The following GAB1 variants were observed in gnomAD, a reference collection of about 807,000 sequenced individuals.
GAB1 encodes the protein GRB2-associated-binding protein 1.
A neutral mutation model predicts 66.5 loss-of-function variants in GAB1; 19 were observed. The observed-to-expected ratio is 0.29, with a 90% CI of 0.20 to 0.42. The LOEUF is 0.42. GAB1 is among the 10% of genes least tolerant of loss of function. The pLI, the probability that GAB1 is intolerant of heterozygous loss-of-function variation, is 1.00. For synonymous variants in GAB1, 294 were observed against 301.4 expected (o/e 0.98, Z 0.25); for missense variants, 732 against 858.5 (o/e 0.85, Z 1.84).
intron 8 of GAB1, among the ~76,000 whole-genome samples, chr4:143,462,942 G>A (rs573181384): frequency 9.2e-5 from 14 of 152,094 alleles, no homozygotes; most frequent in Non-Finnish European, 1.6e-4. Flanking sequence ...GATTACAGGC[G>A]TGAGCCACTG....
At chr4:143,448,530 G>A (rs1269544344) in intron 6 of GAB1, among the ~76,000 whole-genome samples, 2 of 151,654 alleles carry the variant, frequency 1.3e-5, no homozygotes, top group Non-Finnish European at 1.5e-5. Flanking sequence ...GAGAGTGTAT[G>A]TGTCGAGGAA....
chr4:143,428,061 C>A (rs1733457971), intron 2 of GAB1, among the ~76,000 whole-genome samples: 1 of 152,176 alleles, frequency 6.6e-6, no homozygotes, highest in African/African-American at 2.4e-5. Flanking sequence ...GCCCTATCTC[C>A]CCTGCTGTCA....
intron 1 of GAB1, among the ~76,000 whole-genome samples, chr4:143,338,064 G>T (rs1728718711): frequency 6.6e-6 from 1 of 152,112 alleles, no homozygotes; most frequent in Non-Finnish European, 1.5e-5. Flanking sequence ...TGGCTTTAAT[G>T]GTGTTTGTGT....
At chr4:143,393,215 A>G (rs1578645971) in intron 1 of GAB1, among the ~76,000 whole-genome samples, 1 of 151,092 alleles carries the variant, frequency 6.6e-6, no homozygotes, top group Non-Finnish European at 1.5e-5. Flanking sequence ...TCACATTTAC[A>G]AAGGTTTTTT....
chr4:143,414,468 C>T (rs1046371765), intron 1 of GAB1, among the ~76,000 whole-genome samples: 3 of 152,102 alleles, frequency 2.0e-5, no homozygotes, highest in African/African-American at 4.8e-5. Flanking sequence ...GAGTGTATTA[C>T]AGATTGCCCA....
intron 1 of GAB1, among the ~76,000 whole-genome samples, chr4:143,346,462 T>C (rs1392178272): frequency 1.3e-5 from 2 of 152,140 alleles, no homozygotes; most frequent in African/African-American, 4.8e-5. Flanking sequence ...GTGGCCAGAG[T>C]TGGAGTTGCC....
At chr4:143,456,329 C>A (rs1299280240) in intron 6 of GAB1, among the ~76,000 whole-genome samples, 1 of 151,972 alleles carries the variant, frequency 6.6e-6, no homozygotes, top group Non-Finnish European at 1.5e-5. Context: ...TGGTGGCGGG[C>A]ACCTGTAGTC....
At chr4:143,347,060 T>G (rs1346489432) in intron 1 of GAB1, among the ~76,000 whole-genome samples, 1 of 152,226 alleles carries the variant, frequency 6.6e-6, no homozygotes, top group Non-Finnish European at 1.5e-5. Context: ...ACCCACAGTA[T>G]ACAGAGAAAA....
At position 143,337,090 on chromosome 4, in the gene GAB1, C is replaced by A; in HGVS notation, c.-99C>A. On this transcript the variant is annotated 5_prime_UTR_variant, in exon 1 of 10. Coordinates refer to ENST00000262994, the MANE Select transcript of GAB1 (RefSeq NM_002039.4). ...CGTCCGGGGTGCGCGACCAGGAGAGCTAGGTTCTCGCCACTGCGCGCTCGG... is the reference window on the plus strand; with the variant it reads ...CGTCCGGGGTGCGCGACCAGGAGAGATAGGTTCTCGCCACTGCGCGCTCGG... 1.9e-6 allele frequency: 2 copies of A among 1,045,428 alleles called. No individual in the cohort carries two copies. Among genetic ancestry groups the A allele is most frequent in the Non-Finnish European group, 2.8e-6 (2 of 712,168 alleles). 64.8% of individuals were successfully genotyped at this position (1,045,428 alleles called of 1,614,324 possible).
At chr4:143,348,791 C>T (rs1729072828) in intron 1 of GAB1, among the ~76,000 whole-genome samples, 1 of 152,082 alleles carries the variant, frequency 6.6e-6, no homozygotes, top group South Asian at 2.1e-4. Flanking sequence ...GTGTTTGTTG[C>T]TTCCTTCTCC....
At position 143,401,265 on chromosome 4, in the gene GAB1, G is replaced by T. The variant is rs148379224; in HGVS notation, c.73-14212G>T. On this transcript the variant is annotated intron_variant, in intron 1 of 9. Transcript: ENST00000262994. ...CTTAACATAAATTGAAATATCAAGAGATCTTTTTTTGGAATAAATTATTCA... is the reference window on the plus strand; with the variant it reads ...CTTAACATAAATTGAAATATCAAGATATCTTTTTTTGGAATAAATTATTCA... Among the ~76,000 whole-genome samples, 49 of 152,222 alleles carry T rather than the reference G, an allele frequency of 3.2e-4. No individual in the cohort carries two copies. The East Asian group carries it at 8.1e-3, about 25-fold the overall frequency.
rs1241516195 is a variant in GAB1 at position 143,438,243 on chromosome 4, G to A, written c.838G>A (p.Ala280Thr). 3 of 1,613,944 alleles carry A rather than the reference G, an allele frequency of 1.9e-6. No homozygotes were observed. The African/African-American group carries it at 4.0e-5, about 22-fold the overall frequency. The change falls in exon 4 of 10, where the codon GCA becomes ACA. Residue 280 changes from alanine to threonine, a missense_variant. Coordinates refer to ENST00000262994, the MANE Select transcript of GAB1 (RefSeq NM_002039.4). ...LPKVSPSSTE[A>T]DGELYVFNTP... ...AAAGGTGTCTCCATCAAGTACTGAA[G>A]CAGATGGAGAACTCTATGTTTTTAA...
At chr4:143,366,986 T>G (rs1036391783) in intron 1 of GAB1, among the ~76,000 whole-genome samples, 2 of 152,050 alleles carry the variant, frequency 1.3e-5, no homozygotes, top group African/African-American at 4.8e-5. Context: ...TTTTTCCCCT[T>G]GATTGAATAA....
chr4:143,373,600 A>C (rs537996805), intron 1 of GAB1, among the ~76,000 whole-genome samples: 61 of 152,196 alleles, frequency 4.0e-4, no homozygotes, highest in African/African-American at 1.3e-3. Context: ...AGGCCAAGGT[A>C]GGCAGATCAC....
chr4:143,466,180 C>T lies in GAB1; in HGVS notation c.1881C>T (p.Tyr627=), dbSNP rs1165344448. 6.2e-7 allele frequency: 1 copy of T among 1,613,846 alleles called. No homozygotes were observed. Among genetic ancestry groups the T allele is most frequent in the Admixed American group, 1.7e-5 (1 of 60,008 alleles). The stretch of plus-strand genomic sequence containing the variant: ...CCAAAGGAGACAAACAGGTGGAATA[C>T]TTAGATCTCGACTTAGATTCTGGGA... ...IKPKGDKQVE[Y]LDLDLDSGKS... Residue 627 remains tyrosine (Y), a synonymous_variant, in exon 9 of 10, where the codon TAC becomes TAT. Transcript: ENST00000262994.
rs559498304 is a variant in GAB1 at position 143,363,050 on chromosome 4, G to C, written c.72+25790G>C. On this transcript the variant is annotated intron_variant, in intron 1 of 9. Transcript: ENST00000262994. ...GTCCCCATTTTGTAAAGGAACTGATGCTCAGAGTAACTTCCCAAAATCACA... is the reference window on the plus strand; with the variant it reads ...GTCCCCATTTTGTAAAGGAACTGATCCTCAGAGTAACTTCCCAAAATCACA... 2.0e-5 allele frequency among the ~76,000 whole-genome samples: 3 copies of C among 152,320 alleles called. No homozygotes were observed. In the East Asian group the frequency reaches 5.8e-4, roughly 29 times the overall value.
At chr4:143,422,285 C>T (rs1733073065) in intron 2 of GAB1, among the ~76,000 whole-genome samples, 1 of 152,126 alleles carries the variant, frequency 6.6e-6, no homozygotes. Context: ...TAACCCTGAC[C>T]TGTTTACATT....
chr4:143,441,031 C>A (rs1180413454), intron 6 of GAB1, among the ~76,000 whole-genome samples: 1 of 152,136 alleles, frequency 6.6e-6, no homozygotes, highest in Non-Finnish European at 1.5e-5. Flanking sequence ...GTTCATATAA[C>A]AACTTCTTAA....
intron 2 of GAB1, chr4:143,425,190 A>G (rs1020313907): frequency 1.2e-6 from 1 of 843,734 alleles, no homozygotes; most frequent in South Asian, 1.3e-5. Context: ...TGGCATCTAC[A>G]TTATAAATCT....
Sources: gnomAD v4.1 joint callset for allele counts (sites outside exome capture counted in the v4.1 genomes callset) on GRCh38, gnomAD v4.1.1 for gene constraint, MANE v1.5 for transcripts, NCBI Gene and HGNC (gene_info 2026-07-23, HGNC 2026-07-21) for gene names.